The following ADAMTSL1 variants were observed in gnomAD, a reference collection of about 807,000 sequenced individuals.
ADAMTSL1 encodes the protein ADAMTS-like protein 1.
In ADAMTSL1, 126 loss-of-function variants were observed where a neutral mutation model predicts 201.8. The ratio of observed to expected loss-of-function variants is 0.62; its 90% confidence interval spans 0.54 to 0.72. The LOEUF (loss-of-function observed/expected upper bound fraction) is 0.72. Ranked by LOEUF, ADAMTSL1 falls within the 30% of genes least tolerant of loss-of-function variation. The pLI, the probability that ADAMTSL1 is intolerant of heterozygous loss-of-function variation, is 0.00. For missense variants in ADAMTSL1, 2,679 were observed against 2,277.8 expected, an observed-to-expected ratio of 1.18 and a Z score of -3.59; for synonymous variants, 1,121 against 903.4, an observed-to-expected ratio of 1.24 and a Z score of -4.32.
intron 1 of ADAMTSL1, among the ~76,000 whole-genome samples, chr9:17,936,582 C>G (rs1180108473): frequency 6.6e-6 from 1 of 152,178 alleles, no homozygotes; most frequent in African/African-American, 2.4e-5. Flanking sequence ...GGCAGGGCTG[C>G]CGCTCAGGCC....
intron 1 of ADAMTSL1, among the ~76,000 whole-genome samples, chr9:18,101,763 C>T (rs1328675958): frequency 6.6e-6 from 1 of 152,128 alleles, no homozygotes; most frequent in African/African-American, 2.4e-5. Flanking sequence ...AGTAAGAAGA[C>T]ATGGTAGAGA....
At chr9:17,955,917 G>A (rs1462105501) in intron 1 of ADAMTSL1, among the ~76,000 whole-genome samples, 2 of 152,126 alleles carry the variant, frequency 1.3e-5, no homozygotes, top group African/African-American at 2.4e-5. Flanking sequence ...TGTGTAATAT[G>A]TTTTGAGCTT....
intron 2 of ADAMTSL1, among the ~76,000 whole-genome samples, chr9:18,295,198 G>A (rs73428918): frequency 0.066 from 10,036 of 152,034 alleles, 1,112 homozygotes; most frequent in African/African-American, 0.23. Context: ...ATTAATTGTG[G>A]CAATGAGGGC....
chr9:18,441,924 T>G (rs1563963432), intron 2 of ADAMTSL1, among the ~76,000 whole-genome samples: 1 of 152,318 alleles, frequency 6.6e-6, no homozygotes, highest in East Asian at 1.9e-4. Context: ...AAAATATATG[T>G]TGTAATAATA....
chr9:18,238,703 A>C (rs1020300332), intron 2 of ADAMTSL1, among the ~76,000 whole-genome samples: 2 of 152,170 alleles, frequency 1.3e-5, no homozygotes, highest in African/African-American at 4.8e-5. Context: ...TTAAGTTGTG[A>C]ATTGACGATT....
chr9:18,285,467 T>C (rs966498219), intron 2 of ADAMTSL1, among the ~76,000 whole-genome samples: 1 of 152,154 alleles, frequency 6.6e-6, no homozygotes, highest in African/African-American at 2.4e-5. Flanking sequence ...ACATTAATTG[T>C]AGAGTTCTAG....
chr9:18,001,880 G>A (rs1385607626), intron 1 of ADAMTSL1, among the ~76,000 whole-genome samples: 3 of 151,942 alleles, frequency 2.0e-5, no homozygotes, highest in Admixed American at 6.6e-5. Context: ...AGAAGTTTGA[G>A]TTGAGCAGAG....
intron 1 of ADAMTSL1, among the ~76,000 whole-genome samples, chr9:18,153,729 A>T (rs1449764215): frequency 1.3e-5 from 2 of 152,068 alleles, no homozygotes; most frequent in Non-Finnish European, 2.9e-5. Flanking sequence ...TAAAGAAGTA[A>T]TCACTTTATG....
At chr9:17,972,340 T>C (rs1256718390) in intron 1 of ADAMTSL1, among the ~76,000 whole-genome samples, 3 of 113,840 alleles carry the variant, frequency 2.6e-5, no homozygotes, top group Non-Finnish European at 5.2e-5. Flanking sequence ...CAGTCCCCGG[T>C]GTGTGATGTT....
In ADAMTSL1 at chr9:18,341,811, C is replaced by T. The variant is rs61627750; in HGVS notation, c.208-163018C>T. On this transcript the variant is annotated intron_variant, in intron 2 of 29. Transcript: ENST00000680146. ...AATGTTTACCCATTGCTTATGTAGA[C>T]ATAAAATAAGATATGCCAGAGGCAG... is the stretch of plus-strand genomic sequence containing the variant. Among the ~76,000 whole-genome samples the T allele has an allele frequency of 9.0e-3, 1,366 of 152,108 alleles. 23 individuals carry two copies. Among genetic ancestry groups the T allele is most frequent in the African/African-American group, 0.031 (1,290 of 41,490 alleles).
intron 5 of ADAMTSL1, among the ~76,000 whole-genome samples, chr9:18,625,620 C>A (rs1348374280): frequency 6.6e-6 from 1 of 152,078 alleles, no homozygotes; most frequent in East Asian, 1.9e-4. Flanking sequence ...CTGACATTAC[C>A]TTGCTTTTGA....
At chr9:18,752,594 G>C (rs1206463202) in intron 15 of ADAMTSL1, among the ~76,000 whole-genome samples, 1 of 152,164 alleles carries the variant, frequency 6.6e-6, no homozygotes, top group Non-Finnish European at 1.5e-5. Flanking sequence ...CACTATAAAC[G>C]TACTTCTCAA....
intron 15 of ADAMTSL1, among the ~76,000 whole-genome samples, chr9:18,731,025 T>C (rs1818186597): frequency 6.6e-6 from 1 of 152,220 alleles, no homozygotes; most frequent in South Asian, 2.1e-4. Flanking sequence ...TATATGCCTC[T>C]AGAAGAGATG....
intron 2 of ADAMTSL1, among the ~76,000 whole-genome samples, chr9:18,314,778 CG>C (rs1834301066): frequency 1.0e-5 from 1 of 97,120 alleles, no homozygotes; most frequent in African/African-American, 3.6e-5. Context: ...CCTTCGGCAG[CG>C]TGCTTTTTTT....
rs186264869 is a variant in ADAMTSL1, at chr9:18,339,611, C to A, written c.208-165218C>A. 2.0e-5 allele frequency among the ~76,000 whole-genome samples: 3 copies of A among 152,184 alleles called. No individual in the cohort carries two copies. The East Asian group carries it at 5.8e-4, about 30-fold the overall frequency. On this transcript the variant is annotated intron_variant, in intron 2 of 29. Coordinates refer to the ADAMTSL1 transcript ENST00000680146. ...CAGCAATCCCATTTTTGGGTACATA[C>A]CCAAATGAATATTTTTTAACTTTTT... is the stretch of plus-strand genomic sequence containing the variant.
At chr9:17,927,603 G>A (rs557065754) in intron 1 of ADAMTSL1, among the ~76,000 whole-genome samples, 1 of 152,164 alleles carries the variant, frequency 6.6e-6, no homozygotes, top group African/African-American at 2.4e-5. Context: ...GGTTGCATCT[G>A]TACTGAATAT....
intron 2 of ADAMTSL1, among the ~76,000 whole-genome samples, chr9:18,188,060 C>T (rs1212670891): frequency 6.6e-5 from 10 of 151,790 alleles, no homozygotes; most frequent in East Asian, 1.9e-4. Flanking sequence ...TACAGAGGGA[C>T]GGAAGATAAA....
chr9:18,188,461 A>G (rs932012295), intron 2 of ADAMTSL1, among the ~76,000 whole-genome samples: 29 of 152,168 alleles, frequency 1.9e-4, no homozygotes, highest in Admixed American at 1.9e-3. Flanking sequence ...CTATCTGGGA[A>G]CATAATTGTC....
At chr9:18,796,152 A>G (rs1293668002) in intron 20 of ADAMTSL1, among the ~76,000 whole-genome samples, 1 of 152,226 alleles carries the variant, frequency 6.6e-6, no homozygotes, top group Non-Finnish European at 1.5e-5. Flanking sequence ...AGTAAAAGAC[A>G]TGTAGAGCTT....
Sources: gnomAD v4.1 joint callset for allele counts (sites outside exome capture counted in the v4.1 genomes callset) on GRCh38, gnomAD v4.1.1 for gene constraint, MANE v1.5 for transcripts, NCBI Gene and HGNC (gene_info 2026-07-23, HGNC 2026-07-21) for gene names.